JAM3: variants seen among roughly 807,000 people sequenced by gnomAD.
The protein encoded by JAM3 is junctional adhesion molecule C.
A neutral mutation model predicts 39.4 loss-of-function variants in JAM3; 31 were observed. The observed-to-expected ratio is 0.79, with a 90% confidence interval of 0.59 to 1.06. The LOEUF is 1.06. Among genes scored for constraint, JAM3 ranks in the 50% least tolerant of loss-of-function variants. The pLI, the probability that JAM3 is intolerant of heterozygous loss-of-function variation, is 0.00. For synonymous variants in JAM3, 182 were observed against 148.7 expected (o/e 1.22, Z -1.63); for missense variants, 455 against 391.4 (o/e 1.16, Z -1.37).
At position 134,145,972 on chromosome 11, in the gene JAM3, C is replaced by G; in HGVS notation, c.639C>G (p.Asp213Glu). 2 of 1,613,836 alleles carry G rather than the reference C, an allele frequency of 1.2e-6. No individual in the cohort carries two copies. Among genetic ancestry groups the G allele is most frequent in the African/African-American group, 1.3e-5 (1 of 75,044 alleles). Residue 213 changes from aspartate to glutamate, a missense_variant, in exon 6 of 9, where the codon GAC becomes GAG. Transcript: ENST00000299106. ...TLVFTAVHKDDSGQYYCIASN... is the reference protein window; with the variant it reads ...TLVFTAVHKDESGQYYCIASN... ...TGTTCACTGCTGTTCACAAGGACGA[C>G]TCTGGGCAGTACTACTGCATTGCTT...
chr11:134,075,042 T>C (rs1941543562), intron 1 of JAM3, among the ~76,000 whole-genome samples: 1 of 149,772 alleles, frequency 6.7e-6, no homozygotes, highest in African/African-American at 2.4e-5. Flanking sequence ...TTAAAGCATC[T>C]CTGTCAGGGT....
chr11:134,096,230 C>T (rs1941980522), intron 1 of JAM3, among the ~76,000 whole-genome samples: 1 of 152,140 alleles, frequency 6.6e-6, no homozygotes, highest in African/African-American at 2.4e-5. Context: ...CCTCCTGCCT[C>T]GGCCTGGGAT....
chr11:134,074,222 C>T (rs144463447), intron 1 of JAM3, among the ~76,000 whole-genome samples: 1 of 152,300 alleles, frequency 6.6e-6, no homozygotes, highest in African/African-American at 2.4e-5. Flanking sequence ...AGTGTTACAG[C>T]AAATTGTTTT....
intron 1 of JAM3, among the ~76,000 whole-genome samples, chr11:134,073,911 C>T (rs779485365): frequency 2.6e-5 from 4 of 152,042 alleles, no homozygotes; most frequent in Non-Finnish European, 5.9e-5. Flanking sequence ...TTTCTAGTGG[C>T]CCTAGGAACT....
chr11:134,105,838 G>A lies in JAM3; in HGVS notation c.77-34013G>A, dbSNP rs569058606. Among the ~76,000 whole-genome samples the A allele has an allele frequency of 2.6e-5, 4 of 152,266 alleles. No homozygotes were observed. In the South Asian group the frequency reaches 6.2e-4, roughly 24 times the overall value. ...GGAGAACTAGAAACCACTGCTCAACGAAATAAAAGAGGACACAAACAAATG... is the reference window on the plus strand; with the variant it reads ...GGAGAACTAGAAACCACTGCTCAACAAAATAAAAGAGGACACAAACAAATG... On this transcript the variant is annotated intron_variant, in intron 1 of 8. Coordinates refer to ENST00000299106, the MANE Select transcript of JAM3 (RefSeq NM_032801.5).
At chr11:134,093,822 A>G (rs1390677126) in intron 1 of JAM3, among the ~76,000 whole-genome samples, 3 of 91,004 alleles carry the variant, frequency 3.3e-5, no homozygotes, top group African/African-American at 1.1e-4. Flanking sequence ...TCCACCTTAC[A>G]TCTTATTCAT....
chr11:134,147,475 A>AAAAAAAAAAAC (rs1565507041), intron 6 of JAM3, among the ~76,000 whole-genome samples: 4 of 145,820 alleles, frequency 2.7e-5, no homozygotes, highest in African/African-American at 1.0e-4. Flanking sequence ...AAAAAAAAAA[A>AAAAAAAAAAAC]AAACGATTGC....
chr11:134,135,830 G>T (rs1033868272), intron 1 of JAM3, among the ~76,000 whole-genome samples: 1 of 151,984 alleles, frequency 6.6e-6, no homozygotes, highest in African/African-American at 2.4e-5. Flanking sequence ...GCACTTTGGG[G>T]GGCCGAGGCG....
At position 134,103,199 on chromosome 11, in the gene JAM3, G is replaced by A. The variant is rs189599663; in HGVS notation, c.76+34040G>A. Among the ~76,000 whole-genome samples the A allele has an allele frequency of 3.7e-3, 564 of 152,236 alleles. 4 individuals are homozygous for A. Among genetic ancestry groups the A allele is most frequent in the African/African-American group, 0.013 (529 of 41,540 alleles). On this transcript the variant is annotated intron_variant, in intron 1 of 8. Coordinates refer to ENST00000299106, the MANE Select transcript of JAM3 (RefSeq NM_032801.5). ...CTCCGCAAACCAGAAGAGAGTGGGG[G>A]CCAATATTCAACATTCTTAAAGAAA...
At position 134,140,662 on chromosome 11, in the gene JAM3, G is replaced by A. The variant is rs1407009125; in HGVS notation, c.148G>A (p.Glu50Lys). 2 of 1,612,732 alleles carry A rather than the reference G, an allele frequency of 1.2e-6. No homozygotes were observed. Among genetic ancestry groups the A allele is most frequent in the Admixed American group, 3.3e-5 (2 of 59,958 alleles). The change falls in exon 3 of 9, where the codon GAA (glutamate) becomes AAA (lysine). Residue 50 changes from glutamate to lysine, a missense_variant. By Grantham distance (56) the Glu-to-Lys change is moderately conservative (BLOSUM62 1). Coordinates refer to ENST00000299106, the MANE Select transcript of JAM3 (RefSeq NM_032801.5). ...TTTTCTTCTTTGCGTGTTAGGTGTG[G>A]AACTGTCTTGCATCATTACGGATTC... is the stretch of plus-strand genomic sequence containing the variant. The part of the protein sequence containing the change: ...TPVVQEFESV[E>K]LSCIITDSQT...
rs997971012 is a variant in JAM3, at chr11:134,148,943, C to T, written c.897+125C>T. The T allele has an allele frequency of 1.3e-5, 13 of 978,900 alleles. No individual in the cohort carries two copies. The African/African-American group carries it at 1.9e-4, about 14-fold the overall frequency. 60.6% of individuals were successfully genotyped at this position (978,900 alleles called of 1,614,324 possible). On this transcript the variant is annotated intron_variant, in intron 8 of 8. Transcript: ENST00000299106. ...ATTGTGCAGCTCCTGAGCTCCTCAG[C>T]CCCTTCACAGTAACACACACACACA...
Position 134,149,284 on chromosome 11 carries a change from C to G in JAM3, c.*103C>G. 1 of 1,389,830 alleles carries G rather than the reference C, an allele frequency of 7.2e-7. No homozygotes were observed. Among genetic ancestry groups the G allele is most frequent in the East Asian group, 2.3e-5 (1 of 42,856 alleles). 86.1% of individuals were successfully genotyped at this position (1,389,830 alleles called of 1,614,324 possible). A position where few individuals can be genotyped will look rare whatever the true frequency, so the allele number is the denominator to read the frequency against. Reference sequence around the variant, plus strand: ...GCTGATGCACTCGGACAGAGCTAGACACTCATTCAGAAGCTTTTCGTTTTG... The same window carrying G: ...GCTGATGCACTCGGACAGAGCTAGAGACTCATTCAGAAGCTTTTCGTTTTG... On this transcript the variant is annotated 3_prime_UTR_variant, in exon 9 of 9. Coordinates refer to ENST00000299106, the MANE Select transcript of JAM3 (RefSeq NM_032801.5).
At chr11:134,078,263 G>C (rs1487602948) in intron 1 of JAM3, among the ~76,000 whole-genome samples, 1 of 151,994 alleles carries the variant, frequency 6.6e-6, no homozygotes, top group Non-Finnish European at 1.5e-5. Context: ...GGGATTACAG[G>C]CATGTGCCAC....
At chr11:134,101,779 G>A (rs572655929) in intron 1 of JAM3, among the ~76,000 whole-genome samples, 1 of 152,100 alleles carries the variant, frequency 6.6e-6, no homozygotes, top group African/African-American at 2.4e-5. Context: ...AGTCCTTTAT[G>A]TGTGATAACT....
At chr11:134,119,527 G>A (rs1220160867) in intron 1 of JAM3, among the ~76,000 whole-genome samples, 2 of 152,176 alleles carry the variant, frequency 1.3e-5, no homozygotes, top group Non-Finnish European at 2.9e-5. Context: ...GTATTATAAG[G>A]AATTGACTCA....
In JAM3 at chr11:134,149,742, A is replaced by T; in HGVS notation, c.*561A>T. ...CCATTGTGGAGAAGCTTTTTGGATC[A>T]GCATTTTGTAAAAACAACCAAAATC... On this transcript the variant is annotated 3_prime_UTR_variant, in exon 9 of 9. Coordinates refer to ENST00000299106, the MANE Select transcript of JAM3 (RefSeq NM_032801.5). 1 of 440,058 alleles carries T rather than the reference A, an allele frequency of 2.3e-6. No individual in the cohort carries two copies. Among genetic ancestry groups the T allele is most frequent in the African/African-American group, 2.0e-5 (1 of 49,582 alleles). 27.3% of individuals were successfully genotyped at this position (440,058 alleles called of 1,614,324 possible). A position where few individuals can be genotyped will look rare whatever the true frequency, so the allele number is the denominator to read the frequency against.
intron 1 of JAM3, among the ~76,000 whole-genome samples, chr11:134,096,063 A>T (rs1342700084): frequency 4.0e-5 from 6 of 151,630 alleles, no homozygotes; most frequent in Admixed American, 3.9e-4. Context: ...TGCAACCTCC[A>T]CCTCCTGGGT....
intron 1 of JAM3, among the ~76,000 whole-genome samples, chr11:134,121,472 C>T (rs559887822): frequency 1.3e-5 from 2 of 151,946 alleles, no homozygotes; most frequent in South Asian, 4.2e-4. Flanking sequence ...CTGCCAGCTC[C>T]CTCCTTTTTT....
At chr11:134,135,534 C>CT (rs59157985) in intron 1 of JAM3, among the ~76,000 whole-genome samples, 6,261 of 144,894 alleles carry the variant, frequency 0.043, 468 homozygotes, top group African/African-American at 0.14. Flanking sequence ...TTTATCTATC[C>CT]TTTTTTTTTT....
Sources: allele counts gnomAD v4.1 joint callset (sites outside exome capture counted in the v4.1 genomes callset), GRCh38; gene constraint gnomAD v4.1.1; transcripts MANE v1.5; gene names NCBI Gene and HGNC (gene_info 2026-07-23, HGNC 2026-07-21).